The following SYNJ1 variants were observed in gnomAD, a reference collection of about 807,000 sequenced individuals.
SYNJ1 encodes the protein polyphosphatidylinositol phosphatase SYNJ1.
In SYNJ1, 78 loss-of-function variants were observed where a neutral mutation model predicts 168.2. The ratio of observed to expected loss-of-function variants is 0.46; its 90% CI spans 0.39 to 0.56. The LOEUF is 0.56. Ranked by LOEUF, SYNJ1 falls within the 20% of genes least tolerant of loss-of-function variation. The pLI, the probability that SYNJ1 is intolerant of heterozygous loss-of-function variation, is 0.00. For synonymous variants in SYNJ1, 539 were observed against 548.6 expected (o/e 0.98, Z 0.24); for missense variants, 1,303 against 1,597.6 (o/e 0.82, Z 3.14).
At chr21:32,722,935 G>A (rs1158752065) in intron 2 of SYNJ1, among the ~76,000 whole-genome samples, 1 of 152,102 alleles carries the variant, frequency 6.6e-6, no homozygotes, top group Non-Finnish European at 1.5e-5. Context: ...GATAAAATCT[G>A]CAAGCCAAAA....
Position 32,666,063 on chromosome 21 carries a change from T to C in SYNJ1, c.2025A>G (p.Arg675=), listed in dbSNP as rs987102051. 31 of 1,613,984 alleles carry C rather than the reference T, an allele frequency of 1.9e-5. No individual in the cohort carries two copies. Among genetic ancestry groups the C allele is most frequent in the African/African-American group, 4.0e-5 (3 of 74,924 alleles). Residue 675 remains arginine, a synonymous_variant, in exon 17 of 33, where the codon CGA becomes CGG. Coordinates refer to ENST00000674351, the MANE Select transcript of SYNJ1 (RefSeq NM_203446.3). ...AAAGGCTGGTTGTATGGAAGAGCAT[T>C]CGGATTGCAACTGCTCCCTTATTTC... The part of the protein sequence containing the change: ...ATGNKGAVAI[R]MLFHTTSLCF...
At chr21:32,633,496 T>C (rs896581624) in intron 32 of SYNJ1, among the ~76,000 whole-genome samples, 5 of 152,298 alleles carry the variant, frequency 3.3e-5, no homozygotes, top group South Asian at 2.1e-4. Flanking sequence ...TGGACACTTA[T>C]GCTAACTTAA....
Position 32,631,380 on chromosome 21 carries a change from G to A in SYNJ1, c.*425C>T, listed in dbSNP as rs746968680. 6.2e-7 allele frequency: 1 copy of A among 1,614,174 alleles called. No homozygotes were observed. Among genetic ancestry groups the A allele is most frequent in the Non-Finnish European group, 8.5e-7 (1 of 1,180,026 alleles). On this transcript the variant is annotated 3_prime_UTR_variant, in exon 33 of 33. Transcript: ENST00000674351. The stretch of plus-strand genomic sequence containing the variant: ...AGCCCTGCTTTTGTTATGACCAAGA[G>A]GCTGCAGAGAAGGGAAAGGACTGAT...
intron 9 of SYNJ1, 93 bp from the exon 10 acceptor site, chr21:32,684,212 C>CT: frequency 8.7e-7 from 1 of 1,153,690 alleles, no homozygotes; most frequent in Non-Finnish European, 1.3e-6. Context: ...TAGCATCCAC[C>CT]TTCCCTCTCC....
At chr21:32,654,804 T>C (rs76144829) in intron 21 of SYNJ1, among the ~76,000 whole-genome samples, 4,818 of 152,298 alleles carry the variant, frequency 0.032, 102 homozygotes, top group East Asian at 0.075. Context: ...TGTATTTAAA[T>C]TTATCCCATA....
chr21:32,658,811 G>C (rs941466499), intron 18 of SYNJ1, among the ~76,000 whole-genome samples: 8 of 152,224 alleles, frequency 5.3e-5, no homozygotes, highest in African/African-American at 1.9e-4. Flanking sequence ...CGCCCCGCCA[G>C]TGCCCATGCA....
At chr21:32,674,945 C>A (rs2041345584) in intron 13 of SYNJ1, among the ~76,000 whole-genome samples, 1 of 151,988 alleles carries the variant, frequency 6.6e-6, no homozygotes, top group East Asian at 1.9e-4. Context: ...AAGTATATCC[C>A]CATTGTTTCC....
chr21:32,719,027 T>C (rs1174936216), intron 2 of SYNJ1, among the ~76,000 whole-genome samples: 2 of 152,250 alleles, frequency 1.3e-5, no homozygotes, highest in African/African-American at 2.4e-5. Flanking sequence ...ATGGTAGGAC[T>C]ATGTCATTGG....
In SYNJ1 at chr21:32,630,921, T is replaced by C; in HGVS notation, c.*884A>G. 7.1e-7 allele frequency: 1 copy of C among 1,401,872 alleles called. No homozygotes were observed. The highest frequency in any genetic ancestry group is 9.7e-7 in the Non-Finnish European group (1 of 1,034,878). The allele number at this position is 1,401,872 out of a possible 1,614,324, so 86.8% of individuals were successfully genotyped here. ...ACTTACAATGACTTATTGCACATAATGAAATACTAATGCCCAATTCTCTTA... is the reference window on the plus strand; with the variant it reads ...ACTTACAATGACTTATTGCACATAACGAAATACTAATGCCCAATTCTCTTA... On this transcript the variant is annotated 3_prime_UTR_variant, in exon 33 of 33. Transcript: ENST00000674351.
chr21:32,657,067 A>G lies in SYNJ1; in HGVS notation c.2515T>C (p.Tyr839His), dbSNP rs1312480943. The G allele has an allele frequency of 1.2e-6, 2 of 1,614,068 alleles. No individual in the cohort carries two copies. Among genetic ancestry groups the G allele is most frequent in the African/African-American group, 2.7e-5 (2 of 74,940 alleles). ...ASFQDESKILYTWTPGTLLHY... is the reference protein window; with the variant it reads ...ASFQDESKILHTWTPGTLLHY... ...AGCAAAGTGCCTGGAGTCCACGTGT[A>G]CAGAATTTTGCTTTCATCTTGAAAA... The change falls in exon 20 of 33, where the codon TAC becomes CAC. Residue 839 changes from tyrosine (Y) to histidine (H), a missense_variant. Coordinates refer to ENST00000674351, the MANE Select transcript of SYNJ1 (RefSeq NM_203446.3).
chr21:32,675,378 CAGAG>C (rs778075455), intron 13 of SYNJ1, among the ~76,000 whole-genome samples: 2 of 151,876 alleles, frequency 1.3e-5, no homozygotes, highest in Non-Finnish European at 2.9e-5. Context: ...CTTAAAGAAA[CAGAG>C]AGTCAAAAAA....
At chr21:32,642,192 A>G (rs2039872184) in intron 27 of SYNJ1, 59 bp from the exon 28 acceptor site, 4 of 1,589,782 alleles carry the variant, frequency 2.5e-6, no homozygotes, top group Non-Finnish European at 2.6e-6. Flanking sequence ...GCAATATTGC[A>G]TAACATCAGC....
chr21:32,722,232 A>ATATG (rs1258780205), intron 2 of SYNJ1, among the ~76,000 whole-genome samples: 2 of 143,612 alleles, frequency 1.4e-5, no homozygotes, highest in Non-Finnish European at 1.5e-5. Flanking sequence ...ATATATATAT[A>ATATG]ATGTATGCAT....
chr21:32,640,785 G>C (rs545031831), intron 29 of SYNJ1, among the ~76,000 whole-genome samples: 3 of 152,110 alleles, frequency 2.0e-5, no homozygotes, highest in South Asian at 4.1e-4. Context: ...TCAATATTCC[G>C]AATTAAATAC....
rs1487749267 is a variant in SYNJ1, at chr21:32,695,404, C to A, written c.480-122G>T. On this transcript the variant is annotated intron_variant, in intron 4 of 32. Transcript: ENST00000674351. The stretch of plus-strand genomic sequence containing the variant: ...AAATTTAAAGGCACAAACAACAAAT[C>A]AATTCATTTACATTTACTATGCTAG... 1.7e-5 allele frequency: 16 copies of A among 939,988 alleles called. No individual in the cohort carries two copies. In the East Asian group the frequency reaches 4.3e-4, roughly 25 times the overall value. 58.2% of individuals were successfully genotyped at this position (939,988 alleles called of 1,614,324 possible). A position where few individuals can be genotyped will look rare whatever the true frequency, so the allele number is the denominator to read the frequency against.
At chr21:32,728,053 G>A (rs1037519569), upstream of SYNJ1, 11 of 1,526,620 alleles carry the variant, frequency 7.2e-6, no homozygotes, top group East Asian at 2.0e-4. Context: ...CGCCGCGGCC[G>A]GGGGCGGAAG....
intron 32 of SYNJ1, among the ~76,000 whole-genome samples, chr21:32,634,332 G>C (rs528812197): frequency 1.3e-5 from 2 of 152,046 alleles, no homozygotes; most frequent in African/African-American, 4.8e-5. Flanking sequence ...TAAAATTGGT[G>C]CTATTTTTAC....
At chr21:32,700,172 G>A (rs1720216145) in intron 3 of SYNJ1, 67 bp from the exon 4 acceptor site, 18 of 1,491,658 alleles carry the variant, frequency 1.2e-5, no homozygotes, top group Non-Finnish European at 1.6e-5. Context: ...ATTTCTTCTT[G>A]CACCTCTATT....
At chr21:32,641,503 A>G (rs1441321279) in intron 29 of SYNJ1, among the ~76,000 whole-genome samples, 2 of 152,196 alleles carry the variant, frequency 1.3e-5, no homozygotes, top group East Asian at 3.8e-4. Flanking sequence ...CAGTTTTACT[A>G]TACTGAATTT....
Sources: allele counts gnomAD v4.1 joint callset (sites outside exome capture counted in the v4.1 genomes callset), GRCh38; gene constraint gnomAD v4.1.1; transcripts MANE v1.5; gene names NCBI Gene and HGNC (gene_info 2026-07-23, HGNC 2026-07-21).